Variants in IGF2BP3 observed in about 807,000 individuals in gnomAD.
IGF2BP3 encodes insulin like growth factor 2 mRNA binding protein 3.
Under a neutral mutation model 73.8 loss-of-function variants are expected in IGF2BP3, and 9 were observed. The observed-to-expected ratio is 0.12, with a 90% CI of 0.07 to 0.21. IGF2BP3 has a LOEUF of 0.21. Ranked by LOEUF, IGF2BP3 falls within the 10% of genes least tolerant of loss-of-function variation. IGF2BP3 has a pLI of 1.00. For missense variants in IGF2BP3, 542 were observed against 714.0 expected (o/e 0.76, Z 2.75); for synonymous variants, 258 against 256.7 (o/e 1.01, Z -0.05).
At chr7:23,415,104 C>CT in intron 3 of IGF2BP3, 1 of 219,400 alleles carries the variant, frequency 4.6e-6, no homozygotes, top group Non-Finnish European at 9.3e-6. Context: ...TAGCAGGTCC[C>CT]GTCCGTCAGT....
intron 2 of IGF2BP3, among the ~76,000 whole-genome samples, chr7:23,441,743 G>A (rs1330295885): frequency 6.6e-6 from 1 of 151,954 alleles, no homozygotes; most frequent in East Asian, 1.9e-4. Flanking sequence ...CATTTAAAGT[G>A]ACTGCCAATT....
chr7:23,378,969 G>GA (rs1342481779), intron 3 of IGF2BP3, among the ~76,000 whole-genome samples: 1 of 151,988 alleles, frequency 6.6e-6, no homozygotes, highest in Admixed American at 6.6e-5. Context: ...CCAAGCAGAG[G>GA]AAAAAAAGAT....
chr7:23,366,462 T>C (rs1372092200), intron 3 of IGF2BP3, among the ~76,000 whole-genome samples: 1 of 151,294 alleles, frequency 6.6e-6, no homozygotes, highest in Non-Finnish European at 1.5e-5. Context: ...GAAAGATAAC[T>C]AGAAACTACA....
At chr7:23,338,235 G>A (rs1246495230) in intron 10 of IGF2BP3, among the ~76,000 whole-genome samples, 2 of 152,114 alleles carry the variant, frequency 1.3e-5, no homozygotes, top group South Asian at 2.1e-4. Context: ...TAGAAAAAGG[G>A]ATATACACAA....
At chr7:23,412,809 GA>G (rs200316228) in intron 3 of IGF2BP3, among the ~76,000 whole-genome samples, 2,189 of 136,186 alleles carry the variant, frequency 0.016, 75 homozygotes, top group African/African-American at 0.057. Context: ...AACATTAGGA[GA>G]AACTGAGAAA....
In IGF2BP3 at chr7:23,469,910, C is replaced by G; in HGVS notation, c.175+26G>C. 1.3e-6 allele frequency: 2 copies of G among 1,575,286 alleles called. No homozygotes were observed. The highest frequency in any genetic ancestry group is 1.7e-6 in the Non-Finnish European group (2 of 1,163,262). On this transcript the variant is annotated intron_variant, in intron 1 of 14. Transcript: ENST00000258729. This position sits in a 1 kb window ranked among gnomAD's most constrained non-coding sequence, Gnocchi z 6.1. ...GGCGGTGCAGGGCTGGGGCGAGAGC[C>G]CGGGTGGGGCCAGGCCCGGGCCCAC...
chr7:23,404,036 G>A lies in IGF2BP3; in HGVS notation c.285+14740C>T, dbSNP rs531390060. Among the ~76,000 whole-genome samples, 21 of 151,910 alleles carry A rather than the reference G, an allele frequency of 1.4e-4. No homozygotes were observed. In the East Asian group the frequency reaches 4.1e-3, roughly 29 times the overall value. Reference sequence around the variant, plus strand: ...TGCCTGTAGTCCTAGCTACTCAGGAGGCCAAGGCAGGAGGATTGCTTGAGC... The same window carrying A: ...TGCCTGTAGTCCTAGCTACTCAGGAAGCCAAGGCAGGAGGATTGCTTGAGC... On this transcript the variant is annotated intron_variant, in intron 3 of 14. Coordinates refer to ENST00000258729, the MANE Select transcript of IGF2BP3 (RefSeq NM_006547.3).
At chr7:23,440,709 C>G (rs905264403) in intron 2 of IGF2BP3, among the ~76,000 whole-genome samples, 1 of 152,192 alleles carries the variant, frequency 6.6e-6, no homozygotes, top group Non-Finnish European at 1.5e-5. Context: ...CAACCCCTAA[C>G]CACCAGCCAC....
rs561473674 is a variant in IGF2BP3 at position 23,310,355 on chromosome 7, C to T, written c.*2007G>A. The T allele has an allele frequency of 1.3e-5, 2 of 152,312 alleles. No homozygotes were observed. The highest frequency in any genetic ancestry group is 4.8e-5 in the African/African-American group (2 of 41,574). The allele number at this position is 152,312 out of a possible 1,614,324, so 9.4% of individuals were successfully genotyped here. ...ATTATTTCTTAGCTAGTACCAGATACTCCAAATTACAAATGCTTAAGTAAA... is the reference window on the plus strand; with the variant it reads ...ATTATTTCTTAGCTAGTACCAGATATTCCAAATTACAAATGCTTAAGTAAA... On this transcript the variant is annotated 3_prime_UTR_variant, in exon 15 of 15. Transcript: ENST00000258729.
At chr7:23,446,714 T>C (rs1788074510) in intron 2 of IGF2BP3, among the ~76,000 whole-genome samples, 1 of 152,116 alleles carries the variant, frequency 6.6e-6, no homozygotes, top group South Asian at 2.1e-4. Context: ...CTCTACATTG[T>C]CTCAAAATAT....
At chr7:23,320,251 T>C (rs1784099983) in intron 10 of IGF2BP3, among the ~76,000 whole-genome samples, 1 of 152,186 alleles carries the variant, frequency 6.6e-6, no homozygotes, top group Non-Finnish European at 1.5e-5. Context: ...GAAAATATTT[T>C]GTAGGCTAAC....
chr7:23,343,825 C>G lies in IGF2BP3; in HGVS notation c.970G>C (p.Glu324Gln), dbSNP rs1784768852. The G allele has an allele frequency of 1.2e-6, 2 of 1,612,746 alleles. No individual in the cohort carries two copies. The highest frequency in any genetic ancestry group is 1.7e-6 in the Non-Finnish European group (2 of 1,179,726). Residue 324 changes from glutamate (E) to glutamine (Q), a missense_variant, in exon 9 of 15, where the codon GAA becomes CAA. Around this residue, in one of 2 missense-constraint regions of IGF2BP3, gnomAD observed 303 missense variants for 472.1 expected, o/e 0.64. Coordinates refer to ENST00000258729, the MANE Select transcript of IGF2BP3 (RefSeq NM_006547.3). ...PLQELTLYNP[E>Q]RTITVKGNVE... ...TTGCCTTTAACTGTAATAGTGCGTT[C>G]TGGATTATACAGCGTCAATTCCTGC...
chr7:23,344,731 T>C (rs927274938), intron 8 of IGF2BP3, among the ~76,000 whole-genome samples: 1 of 152,252 alleles, frequency 6.6e-6, no homozygotes, highest in African/African-American at 2.4e-5. Context: ...TCACTACTAG[T>C]ATAATGTCAC....
chr7:23,452,756 C>T (rs375386147), intron 2 of IGF2BP3, among the ~76,000 whole-genome samples: 61 of 147,154 alleles, frequency 4.1e-4, no homozygotes, highest in Non-Finnish European at 5.9e-4. Flanking sequence ...GAGCCGAGAT[C>T]GTGCCATTGC....
chr7:23,452,826 G>A lies in IGF2BP3; in HGVS notation c.236+15656C>T, dbSNP rs548040510. Among the ~76,000 whole-genome samples, 71 of 147,934 alleles carry A rather than the reference G, an allele frequency of 4.8e-4. 1 individual carries two copies. The South Asian group carries it at 6.2e-3, about 13-fold the overall frequency. The stretch of plus-strand genomic sequence containing the variant: ...AAAAAAAAAAAAAAAAGTGGGGGGC[G>A]CACAGGGCTGGGCGCAGTGGCTCAC... On this transcript the variant is annotated intron_variant, in intron 2 of 14. Coordinates refer to ENST00000258729, the MANE Select transcript of IGF2BP3 (RefSeq NM_006547.3).
intron 10 of IGF2BP3, among the ~76,000 whole-genome samples, chr7:23,325,206 T>C (rs1027836769): frequency 2.6e-5 from 4 of 152,172 alleles, no homozygotes; most frequent in African/African-American, 9.7e-5. Flanking sequence ...CTTAAGCTGA[T>C]AAGCAACTTC....
chr7:23,451,034 C>A (rs139373110), intron 2 of IGF2BP3, among the ~76,000 whole-genome samples: 2 of 152,170 alleles, frequency 1.3e-5, no homozygotes, highest in Admixed American at 6.5e-5. Flanking sequence ...CAATACATGA[C>A]GACAAACTGA....
intron 5 of IGF2BP3, among the ~76,000 whole-genome samples, chr7:23,360,475 G>T (rs1008304192): frequency 6.6e-6 from 1 of 152,200 alleles, no homozygotes; most frequent in African/African-American, 2.4e-5. Context: ...CAAGAGATAA[G>T]GTAGTTAGGG....
chr7:23,469,993 C>T lies in IGF2BP3; in HGVS notation c.118G>A (p.Ala40Thr). ...CTCTCGTCCGGGCAGTCCACGAACG[C>T]GTAGCCAGTCTTCACCAGGAAGGGT... ...SGPFLVKTGY[A>T]FVDCPDESWA... The change falls in exon 1 of 15, where the codon GCG (alanine) becomes ACG (threonine). Residue 40 changes from alanine (A) to threonine (T), a missense_variant. By Grantham distance (58) the Ala-to-Thr change is moderately conservative. This residue lies in a region of IGF2BP3 where 239 missense variants were observed against 241.9 expected (regional missense o/e 0.99). Transcript: ENST00000258729. This position sits in a 1 kb window ranked among gnomAD's most constrained non-coding sequence, Gnocchi z 6.1. 6.2e-7 allele frequency: 1 copy of T among 1,612,708 alleles called. No homozygotes were observed. The highest frequency in any genetic ancestry group is 1.1e-5 in the South Asian group (1 of 91,034).
Sources: gnomAD v4.1 joint callset for allele counts (sites outside exome capture counted in the v4.1 genomes callset) on GRCh38, gnomAD v4.1.1 for gene constraint, gnomAD v4.1.1 regional missense constraint, Gnocchi (gnomAD v3.1) non-coding constraint, MANE v1.5 for transcripts, NCBI Gene and HGNC (gene_info 2026-07-23, HGNC 2026-07-21) for gene names.